GLI2: variants seen among roughly 807,000 people sequenced by gnomAD.
The protein encoded by GLI2 is transcription activator GLI2.
In GLI2, 22 loss-of-function variants were observed where a neutral mutation model predicts 78.9. The observed-to-expected ratio is 0.28, with a 90% confidence interval of 0.20 to 0.40. The LOEUF (loss-of-function observed/expected upper bound fraction) is 0.40. Among genes scored for constraint, GLI2 ranks in the 10% least tolerant of loss-of-function variants. GLI2 has a pLI of 1.00. For missense variants in GLI2, 2,097 were observed against 2,213.2 expected, an observed-to-expected ratio of 0.95 and a Z score of 1.05; for synonymous variants, 974 against 963.7, an observed-to-expected ratio of 1.01 and a Z score of -0.20.
chr2:120,856,241 G>C (rs956033921), intron 2 of GLI2, among the ~76,000 whole-genome samples: 13 of 152,330 alleles, frequency 8.5e-5, no homozygotes, highest in Admixed American at 5.9e-4. Context: ...CCAGCCAGGA[G>C]GGAGTGAGGG....
At chr2:120,809,212 G>C (rs1157789528) in intron 2 of GLI2, among the ~76,000 whole-genome samples, 3 of 152,210 alleles carry the variant, frequency 2.0e-5, no homozygotes, top group Non-Finnish European at 4.4e-5. Context: ...CTAATCAATG[G>C]TATACACAAA....
chr2:120,906,355 C>A (rs532324377), intron 2 of GLI2, among the ~76,000 whole-genome samples: 1 of 152,156 alleles, frequency 6.6e-6, no homozygotes, highest in African/African-American at 2.4e-5. Context: ...TGGGGTTCAC[C>A]CTCTCCTGCC....
At chr2:120,953,366 T>A (rs574740715) in intron 4 of GLI2, among the ~76,000 whole-genome samples, 33 of 152,324 alleles carry the variant, frequency 2.2e-4, no homozygotes, top group African/African-American at 7.7e-4. Context: ...CGGGAAACCA[T>A]CTTCCCCTTG....
intron 3 of GLI2, 96 bp from the exon 4 acceptor site, chr2:120,951,147 T>A: frequency 1.3e-6 from 1 of 785,836 alleles, no homozygotes; most frequent in South Asian, 1.3e-5. Flanking sequence ...GGAAAGTCTT[T>A]CCAGGAGAGA....
chr2:120,769,742 T>A (rs1419696008), intron 1 of GLI2, among the ~76,000 whole-genome samples: 1 of 152,214 alleles, frequency 6.6e-6, no homozygotes, highest in Non-Finnish European at 1.5e-5. Context: ...TGCATTTGCT[T>A]GCGTCTGTAT....
rs369536085 is a variant in GLI2 at position 120,984,452 on chromosome 2, G to A, written c.1633-19G>A. 1.9e-6 allele frequency: 3 copies of A among 1,613,748 alleles called. No individual in the cohort carries two copies. The highest frequency in any genetic ancestry group is 2.7e-5 in the African/African-American group (2 of 74,904). On this transcript the variant is annotated intron_variant, in intron 11 of 13. Coordinates refer to ENST00000361492, the MANE Select transcript of GLI2 (RefSeq NM_001374353.1). ...TCCTCGTACCCCTATCCATGACACA[G>A]GCCTGCTTCTCTCCCCAGAAACCCT...
chr2:120,741,542 C>T (rs1682538337), intron 1 of GLI2, among the ~76,000 whole-genome samples: 1 of 151,816 alleles, frequency 6.6e-6, no homozygotes, highest in Non-Finnish European at 1.5e-5. Context: ...CCTCCGTTTC[C>T]TCCGCCTTCT....
chr2:120,946,766 T>TGGGGGCAAGTGTCCAAGAAAG (rs1452223889), intron 3 of GLI2, among the ~76,000 whole-genome samples: 1 of 152,130 alleles, frequency 6.6e-6, no homozygotes, highest in Non-Finnish European at 1.5e-5. Flanking sequence ...GGGCCTGGGA[T>TGGGGGCAAGTGTCCAAGAAAG]GGGGGCAAGT....
chr2:120,865,587 C>G (rs1688089881), intron 2 of GLI2, among the ~76,000 whole-genome samples: 1 of 152,164 alleles, frequency 6.6e-6, no homozygotes, highest in South Asian at 2.1e-4. Context: ...TTTTGCTGAC[C>G]CGGGAGCGTT....
chr2:120,811,874 CT>C (rs1685258520), intron 2 of GLI2, among the ~76,000 whole-genome samples: 1 of 151,950 alleles, frequency 6.6e-6, no homozygotes, highest in Non-Finnish European at 1.5e-5. Context: ...CCTTCTCTTC[CT>C]TTTTTCCACA....
chr2:120,989,458 C>A lies in GLI2; in HGVS notation c.3493C>A (p.Gln1165Lys), dbSNP rs751366504. ...GGTGCAGCAGAAGCCTGCCTTTGGC[C>A]AGTACCCGGGCTACAGTCCGCAAGG... ...AVVQQKPAFG[Q>K]YPGYSPQGLQ... The change falls in exon 14 of 14, where the codon CAG becomes AAG. Residue 1165 changes from glutamine (Q) to lysine (K), a missense_variant. Gln to Lys is a moderately conservative substitution (Grantham distance 53). This residue lies in a region of GLI2 where 1,290 missense variants were observed against 1,261.7 expected (regional missense o/e 1.02). Coordinates refer to ENST00000361492, the MANE Select transcript of GLI2 (RefSeq NM_001374353.1). 6.2e-7 allele frequency: 1 copy of A among 1,613,112 alleles called. No homozygotes were observed. Among genetic ancestry groups the A allele is most frequent in the Non-Finnish European group, 8.5e-7 (1 of 1,179,990 alleles).
At chr2:120,840,137 T>C (rs1686798182) in intron 2 of GLI2, among the ~76,000 whole-genome samples, 1 of 152,230 alleles carries the variant, frequency 6.6e-6, no homozygotes, top group Non-Finnish European at 1.5e-5. Context: ...TTCTGAAACA[T>C]AGCAATTTTA....
intron 1 of GLI2, among the ~76,000 whole-genome samples, chr2:120,767,266 C>T (rs17050378): frequency 0.14 from 20,807 of 151,438 alleles, 1,739 homozygotes; most frequent in East Asian, 0.23. Context: ...CAGCACTGAT[C>T]GCTTTTCCAA....
intron 2 of GLI2, among the ~76,000 whole-genome samples, chr2:120,842,083 T>G (rs1252134823): frequency 6.8e-6 from 1 of 146,078 alleles, no homozygotes; most frequent in East Asian, 2.0e-4. Flanking sequence ...AAAAACAGAC[T>G]TCTTTGCTTA....
intron 2 of GLI2, among the ~76,000 whole-genome samples, chr2:120,826,117 A>G (rs1457571664): frequency 1.4e-5 from 2 of 144,324 alleles, no homozygotes; most frequent in Non-Finnish European, 3.0e-5. Context: ...GAGGCTTCCA[A>G]CCCGGCTGGG....
intron 2 of GLI2, among the ~76,000 whole-genome samples, chr2:120,879,770 AGT>A (rs1376877915): frequency 6.6e-6 from 1 of 152,110 alleles, no homozygotes; most frequent in East Asian, 1.9e-4. Context: ...ATTCCAATTG[AGT>A]GTGTTAAACT....
At chr2:120,913,873 G>A (rs1678956386) in intron 2 of GLI2, among the ~76,000 whole-genome samples, 1 of 152,208 alleles carries the variant, frequency 6.6e-6, no homozygotes, top group Non-Finnish European at 1.5e-5. Context: ...CATCACCAGG[G>A]CCTGGTGGAG....
At chr2:120,899,568 T>G (rs1286930578) in intron 2 of GLI2, among the ~76,000 whole-genome samples, 1 of 152,190 alleles carries the variant, frequency 6.6e-6, no homozygotes, top group Non-Finnish European at 1.5e-5. Flanking sequence ...CGAAAAGGTC[T>G]CGTTGGCTGT....
At chr2:120,894,311 C>A (rs1168409581) in intron 2 of GLI2, among the ~76,000 whole-genome samples, 1 of 152,208 alleles carries the variant, frequency 6.6e-6, no homozygotes, top group African/African-American at 2.4e-5. Context: ...AGAAAGGACA[C>A]CCCTTAGAAA....
Sources: gnomAD v4.1 joint callset for allele counts (sites outside exome capture counted in the v4.1 genomes callset) on GRCh38, gnomAD v4.1.1 for gene constraint, gnomAD v4.1.1 regional missense constraint, MANE v1.5 for transcripts, NCBI Gene and HGNC (gene_info 2026-07-23, HGNC 2026-07-21) for gene names.